The following SLCO3A1 variants were observed in gnomAD, a reference collection of about 807,000 sequenced individuals.
SLCO3A1 encodes the protein PGE1 transporter.
SLCO3A1 carries 27 observed loss-of-function variants against 63.1 expected under a neutral mutation model. That is an observed-to-expected ratio of 0.43 (90% CI 0.32 to 0.59). The LOEUF (loss-of-function observed/expected upper bound fraction) is 0.59, where lower values mean the gene tolerates loss of function less well. Ranked by LOEUF, SLCO3A1 falls within the 20% of genes least tolerant of loss-of-function variation. SLCO3A1 has a pLI of 0.09. For synonymous variants in SLCO3A1, 473 were observed against 409.9 expected (o/e 1.15, Z -1.86); for missense variants, 773 against 945.8 (o/e 0.82, Z 2.40).
intron 1 of SLCO3A1, among the ~76,000 whole-genome samples, chr15:91,901,189 C>T (rs1009818298): frequency 2.0e-5 from 3 of 152,112 alleles, no homozygotes. Context: ...TGATATATGT[C>T]TTAAGTTATC....
chr15:92,124,001 C>T (rs1330250281), intron 5 of SLCO3A1, among the ~76,000 whole-genome samples: 1 of 152,198 alleles, frequency 6.6e-6, no homozygotes, highest in Non-Finnish European at 1.5e-5. Context: ...GTGTGCCCTG[C>T]CCTTGGTGAC....
chr15:91,912,382 A>G lies in SLCO3A1; in HGVS notation c.181-3611A>G, dbSNP rs973089100. The stretch of plus-strand genomic sequence containing the variant: ...TGGCATTGCAGCCCAGCAGAAGGCC[A>G]CAGGTCAAGGAGGGAAAGACCGTAC... On this transcript the variant is annotated intron_variant, in intron 1 of 9. Transcript: ENST00000318445. This position sits in a 1 kb window ranked among gnomAD's most constrained non-coding sequence, Gnocchi z 5.0. 4.6e-5 allele frequency among the ~76,000 whole-genome samples: 7 copies of G among 152,204 alleles called. No homozygotes were observed. Among genetic ancestry groups the G allele is most frequent in the African/African-American group, 1.7e-4 (7 of 41,460 alleles).
intron 1 of SLCO3A1, among the ~76,000 whole-genome samples, chr15:91,864,656 G>T (rs1897123605): frequency 6.6e-6 from 1 of 152,096 alleles, no homozygotes; most frequent in South Asian, 2.1e-4. Context: ...AACAGTGACA[G>T]GGAGGTGATT....
intron 2 of SLCO3A1, among the ~76,000 whole-genome samples, chr15:92,093,634 G>A (rs571494383): frequency 3.3e-5 from 5 of 152,296 alleles, no homozygotes; most frequent in Admixed American, 3.3e-4. Flanking sequence ...TTCGGAGGAG[G>A]GAAAGCTTCA....
intron 7 of SLCO3A1, among the ~76,000 whole-genome samples, chr15:92,132,042 A>G (rs2048002562): frequency 6.9e-6 from 1 of 145,650 alleles, no homozygotes; most frequent in Non-Finnish European, 1.5e-5. Context: ...GGCTTTCTCA[A>G]CACCCAGCTG....
intron 3 of SLCO3A1, 107 bp downstream of exon 3, chr15:92,095,086 T>C (rs2047521871): frequency 2.8e-6 from 2 of 708,004 alleles, no homozygotes; most frequent in Non-Finnish European, 5.1e-6. Flanking sequence ...GAGACAGTCT[T>C]GATGCCCCTG....
At chr15:92,019,638 C>G (rs1298714598) in intron 2 of SLCO3A1, among the ~76,000 whole-genome samples, 1 of 152,192 alleles carries the variant, frequency 6.6e-6, no homozygotes, top group Non-Finnish European at 1.5e-5. Flanking sequence ...GAATGATTGT[C>G]CTATGACAGA....
chr15:91,970,658 C>A (rs771640237), intron 2 of SLCO3A1, among the ~76,000 whole-genome samples: 1 of 152,190 alleles, frequency 6.6e-6, no homozygotes, highest in East Asian at 1.9e-4. Context: ...CCCATTACTC[C>A]TTCAAACCTC....
intron 2 of SLCO3A1, among the ~76,000 whole-genome samples, chr15:91,975,336 C>A (rs1415770119): frequency 6.6e-6 from 1 of 152,222 alleles, no homozygotes. Flanking sequence ...CCACCCCACC[C>A]CCTTGTCCCA....
intron 2 of SLCO3A1, among the ~76,000 whole-genome samples, chr15:91,955,243 G>A (rs1375413965): frequency 6.6e-6 from 1 of 152,176 alleles, no homozygotes; most frequent in Non-Finnish European, 1.5e-5. Context: ...CCAAGATGTG[G>A]TAGGGTTGGG....
At chr15:92,112,119 C>T (rs2047736599) in intron 4 of SLCO3A1, among the ~76,000 whole-genome samples, 1 of 152,190 alleles carries the variant, frequency 6.6e-6, no homozygotes, top group African/African-American at 2.4e-5. Context: ...TGTAGCATTT[C>T]ACCCCAGTCT....
Position 92,163,888 on chromosome 15 carries a change from C to G in SLCO3A1, c.*753C>G, listed in dbSNP as rs951314103. 5.1e-6 allele frequency: 5 copies of G among 985,494 alleles called. No homozygotes were observed. The highest frequency in any genetic ancestry group is 3.5e-5 in the African/African-American group (2 of 57,238). The allele number at this position is 985,494 out of a possible 1,614,324, so 61.0% of individuals were successfully genotyped here. ...GTGGGGGGCCAGCACCTCCCAGTGG[C>G]GGGCATCCACCTTCCCCCAGCCCCA... is the stretch of plus-strand genomic sequence containing the variant. On this transcript the variant is annotated 3_prime_UTR_variant, in exon 10 of 10. Coordinates refer to ENST00000318445, the MANE Select transcript of SLCO3A1 (RefSeq NM_013272.4).
At chr15:92,083,172 ATAT>A (rs889489920) in intron 2 of SLCO3A1, among the ~76,000 whole-genome samples, 6 of 152,160 alleles carry the variant, frequency 3.9e-5, no homozygotes, top group African/African-American at 1.4e-4. Flanking sequence ...GCCCTGCGAG[ATAT>A]TATAGGAGAG....
chr15:91,884,078 A>G (rs1897663405), intron 1 of SLCO3A1, among the ~76,000 whole-genome samples: 1 of 152,188 alleles, frequency 6.6e-6, no homozygotes. Flanking sequence ...CTATGGATTA[A>G]CCTTTTGGAT....
At chr15:91,947,802 C>T (rs1373336646) in intron 2 of SLCO3A1, among the ~76,000 whole-genome samples, 2 of 152,166 alleles carry the variant, frequency 1.3e-5, no homozygotes, top group Non-Finnish European at 2.9e-5. Flanking sequence ...CTCGTTAGTA[C>T]CCCCTGCTTG....
rs115431884 is a variant in SLCO3A1, at chr15:91,966,441, G to A, written c.646+49983G>A. 1.7e-3 allele frequency among the ~76,000 whole-genome samples: 252 copies of A among 152,278 alleles called. 1 individual carries two copies. The highest frequency in any genetic ancestry group is 5.8e-3 in the African/African-American group (242 of 41,540). On this transcript the variant is annotated intron_variant, in intron 2 of 9. Coordinates refer to ENST00000318445, the MANE Select transcript of SLCO3A1 (RefSeq NM_013272.4). ...GTATCATCAGTACCAGCATCTCTGA[G>A]GAAGATGTTTTTCCCACTGTGCACA...
chr15:91,953,429 G>C (rs545983010), intron 2 of SLCO3A1, among the ~76,000 whole-genome samples: 11 of 152,260 alleles, frequency 7.2e-5, no homozygotes, highest in African/African-American at 2.2e-4. Context: ...GAATGCGGTG[G>C]GGGGAGGAAT....
chr15:92,171,987 A>C (rs1256788161), exon 11 of SLCO3A1: 2 of 723,532 alleles, frequency 2.8e-6, no homozygotes, highest in Non-Finnish European at 4.8e-6. Flanking sequence ...TTATCCAGCC[A>C]GTGTGTGGTC....
At chr15:92,006,550 G>A (rs1344085202) in intron 2 of SLCO3A1, among the ~76,000 whole-genome samples, 1 of 152,096 alleles carries the variant, frequency 6.6e-6, no homozygotes, top group African/African-American at 2.4e-5. Flanking sequence ...CTTTGATCTG[G>A]CATATGTCTG....
Sources: allele counts gnomAD v4.1 joint callset (sites outside exome capture counted in the v4.1 genomes callset), GRCh38; gene constraint gnomAD v4.1.1; non-coding constraint Gnocchi (gnomAD v3.1); transcripts MANE v1.5; gene names NCBI Gene and HGNC (gene_info 2026-07-23, HGNC 2026-07-21).